Variants in ZNF551 observed in about 807,000 individuals in gnomAD.
ZNF551 encodes the protein KOX 23 protein (56 AA).
A neutral mutation model predicts 7.9 loss-of-function variants in ZNF551; 5 were observed. The ratio of observed to expected loss-of-function variants is 0.63; its 90% CI spans 0.33 to 1.33. The LOEUF (loss-of-function observed/expected upper bound fraction) is 1.33, where lower values mean the gene tolerates loss of function less well. ZNF551 is among the 40% of genes most tolerant of loss of function. ZNF551 has a pLI of 0.05. For synonymous variants in ZNF551, 287 were observed against 277.3 expected, an observed-to-expected ratio of 1.03 and a Z score of -0.35; for missense variants, 788 against 825.2, an observed-to-expected ratio of 0.95 and a Z score of 0.55.
chr19:57,686,983 C>G lies in ZNF551; in HGVS notation c.708C>G (p.His236Gln). The G allele has an allele frequency of 6.2e-7, 1 of 1,614,198 alleles. No homozygotes were observed. The highest frequency in any genetic ancestry group is 8.5e-7 in the Non-Finnish European group (1 of 1,180,032). The change falls in exon 3 of 3, where the codon CAC (histidine) becomes CAG (glutamine). Residue 236 changes from histidine to glutamine, a missense_variant. Transcript: ENST00000282296. Reference sequence around the variant, plus strand: ...ACAGAAAAGCTTCAAGCCACAAACACACACTTGTTCAGCATCAGAGTGTCT... The same window carrying G: ...ACAGAAAAGCTTCAAGCCACAAACAGACACTTGTTCAGCATCAGAGTGTCT... ...GEYRKASSHK[H>Q]TLVQHQSVCS...
In ZNF551 at chr19:57,688,035, A is replaced by G; in HGVS notation, c.1760A>G (p.Tyr587Cys). The change falls in exon 3 of 3, where the codon TAT becomes TGT. Residue 587 changes from tyrosine to cysteine, a missense_variant. Coordinates refer to ENST00000282296, the MANE Select transcript of ZNF551 (RefSeq NM_138347.5). Reference sequence around the variant, plus strand: ...AGAGTTCACACTGGAGAAAGGCCTTATGAATGTAGTGAATGTGGGAAATCC... The same window carrying G: ...AGAGTTCACACTGGAGAAAGGCCTTGTGAATGTAGTGAATGTGGGAAATCC... ...HQRVHTGERP[Y>C]ECSECGKSFS... The G allele has an allele frequency of 5.0e-6, 8 of 1,614,238 alleles. No individual in the cohort carries two copies. The highest frequency in any genetic ancestry group is 6.8e-6 in the Non-Finnish European group (8 of 1,180,032).
chr19:57,686,076 T>C (rs893124684), intron 2 of ZNF551, among the ~76,000 whole-genome samples: 2 of 152,242 alleles, frequency 1.3e-5, no homozygotes, highest in Non-Finnish European at 2.9e-5. Flanking sequence ...TGTTCAGTCT[T>C]GACTCACTGT....
At position 57,685,394 on chromosome 19, in the gene ZNF551, C is replaced by G. The variant is rs1327508374; in HGVS notation, c.205+9C>G. 1 of 1,614,034 alleles carries G rather than the reference C, an allele frequency of 6.2e-7. No homozygotes were observed. Among genetic ancestry groups the G allele is most frequent in the East Asian group, 2.2e-5 (1 of 44,878 alleles). On this transcript the variant is annotated intron_variant, in intron 2 of 2. Coordinates refer to ENST00000282296, the MANE Select transcript of ZNF551 (RefSeq NM_138347.5). ...ACATGTAACATCCCTGGGTAAGGCC[C>G]TAGCATCCCTCCGAGTGTCTGCTTT...
Position 57,685,372 on chromosome 19 carries a change from T to C in ZNF551, c.192T>C (p.His64=). The change falls in exon 2 of 3, where the codon CAT becomes CAC. Residue 64 remains histidine (H), a synonymous_variant. Transcript: ENST00000282296. ...YCDVMLENFA[H]VTSLGYCHGM... is the part of the protein sequence containing the mutation. ...ATGTGATGCTGGAGAACTTTGCACA[T>C]GTAACATCCCTGGGTAAGGCCCTAG... 1 of 1,614,098 alleles carries C rather than the reference T, an allele frequency of 6.2e-7. No individual in the cohort carries two copies. Among genetic ancestry groups the C allele is most frequent in the Non-Finnish European group, 8.5e-7 (1 of 1,179,962 alleles).
In ZNF551 at chr19:57,689,397, T is replaced by G. The variant is rs1984693841; in HGVS notation, c.*1109T>G. 1.3e-5 allele frequency: 2 copies of G among 152,200 alleles called. No homozygotes were observed. Among genetic ancestry groups the G allele is most frequent in the African/African-American group, 4.8e-5 (2 of 41,450 alleles). 9.4% of individuals were successfully genotyped at this position (152,200 alleles called of 1,614,324 possible). A position where few individuals can be genotyped will look rare whatever the true frequency, so the allele number is the denominator to read the frequency against. ...GGGAGTGGAGAAGACTGCAGTAAAT[T>G]AGATGGAATGACTCTTCTAAAAGTT... On this transcript the variant is annotated 3_prime_UTR_variant, in exon 3 of 3. Transcript: ENST00000282296.
At position 57,690,231 on chromosome 19, in the gene ZNF551, CA is replaced by C. The variant is rs1306177145; in HGVS notation, c.*1944del. On this transcript the variant is annotated 3_prime_UTR_variant, in exon 3 of 3. Transcript: ENST00000282296. ...AAAGCCATGAAACCATCATTACAAC[CA>C]TAAAAATGAATTTGTGTGTCACCCA... 6.6e-6 allele frequency: 1 copy of C among 152,124 alleles called. No homozygotes were observed. The highest frequency in any genetic ancestry group is 2.4e-5 in the African/African-American group (1 of 41,400). The allele number at this position is 152,124 out of a possible 1,614,324, so 9.4% of individuals were successfully genotyped here. A position where few individuals can be genotyped will look rare whatever the true frequency, so the allele number is the denominator to read the frequency against.
rs751095535 is a variant in ZNF551, at chr19:57,690,043, GGAGA to G, written c.*1764_*1767del. ...CAAGGTTGCCTCTCTCAGGGCATGAGGAGAGAGAGAGATGGTGAAGTCCATATCA... is the reference window on the plus strand; with the variant it reads ...CAAGGTTGCCTCTCTCAGGGCATGAGGAGAGAGATGGTGAAGTCCATATCA... On this transcript the variant is annotated 3_prime_UTR_variant, in exon 3 of 3. Coordinates refer to ENST00000282296, the MANE Select transcript of ZNF551 (RefSeq NM_138347.5). 6.6e-6 allele frequency: 1 copy of G among 152,000 alleles called. No individual in the cohort carries two copies. The allele number at this position is 152,000 out of a possible 1,614,324, so 9.4% of individuals were successfully genotyped here.
chr19:57,688,349 GC>G lies in ZNF551; in HGVS notation c.*63del. On this transcript the variant is annotated 3_prime_UTR_variant, in exon 3 of 3. Coordinates refer to ENST00000282296, the MANE Select transcript of ZNF551 (RefSeq NM_138347.5). Reference sequence around the variant, plus strand: ...AATAGCACTGGAGGAGACTGTGGTAGCCATCTTCGTAAATTTAAACTTTGAG... The same window carrying G: ...AATAGCACTGGAGGAGACTGTGGTAGCATCTTCGTAAATTTAAACTTTGAG... 6.4e-7 allele frequency: 1 copy of G among 1,553,702 alleles called. No homozygotes were observed. The highest frequency in any genetic ancestry group is 8.7e-7 in the Non-Finnish European group (1 of 1,149,892).
At chr19:57,682,467 CA>C (rs1272432605) in intron 1 of ZNF551, among the ~76,000 whole-genome samples, 1 of 152,144 alleles carries the variant, frequency 6.6e-6, no homozygotes, top group African/African-American at 2.4e-5. Context: ...GGGGGGGATT[CA>C]GGAGCCTGGG....
chr19:57,688,259 C>G lies in ZNF551; in HGVS notation c.1984C>G (p.Arg662Gly). 2 of 1,614,200 alleles carry G rather than the reference C, an allele frequency of 1.2e-6. No homozygotes were observed. The highest frequency in any genetic ancestry group is 1.6e-4 in the Middle Eastern group (1 of 6,062). Residue 662 changes from arginine to glycine, a missense_variant, in exon 3 of 3, where the codon CGG becomes GGG. Arg to Gly is a moderately radical substitution (Grantham distance 125, BLOSUM62 -2). Coordinates refer to ENST00000282296, the MANE Select transcript of ZNF551 (RefSeq NM_138347.5). ...CCGCAAATCTAACCTCATTCGACAT[C>G]GGAGAGTTCACACTGAAGAAAGGCC... ...FSRKSNLIRH[R>G]RVHTEERP is the part of the protein sequence containing the mutation.
chr19:57,684,557 G>T (rs1984492430), intron 1 of ZNF551, among the ~76,000 whole-genome samples: 2 of 152,136 alleles, frequency 1.3e-5, no homozygotes, highest in South Asian at 2.1e-4. Flanking sequence ...CCACCTGCCT[G>T]TTGTTGCTGT....
Position 57,682,429 on chromosome 19 carries a change from G to T in ZNF551, c.81+185G>T, listed in dbSNP as rs114224514. On this transcript the variant is annotated intron_variant, in intron 1 of 2. Transcript: ENST00000282296. Reference sequence around the variant, plus strand: ...AATGTGACGGGCAGTTGACTGGCGCGTGCAGAACTTGGAGCTGCGACTAAG... The same window carrying T: ...AATGTGACGGGCAGTTGACTGGCGCTTGCAGAACTTGGAGCTGCGACTAAG... Among the ~76,000 whole-genome samples the T allele has an allele frequency of 2.9e-3, 440 of 152,314 alleles. 4 individuals carry two copies. The highest frequency in any genetic ancestry group is 1.0e-2 in the African/African-American group (414 of 41,550).
intron 1 of ZNF551, among the ~76,000 whole-genome samples, chr19:57,682,909 G>A (rs774220573): frequency 1.3e-5 from 2 of 152,224 alleles, no homozygotes; most frequent in Non-Finnish European, 2.9e-5. Context: ...GAAAGGAGAT[G>A]TAGAAGGTTG....
In ZNF551 at chr19:57,687,451, G is replaced by T. The variant is rs1436879535; in HGVS notation, c.1176G>T (p.Gln392His). The T allele has an allele frequency of 6.2e-7, 1 of 1,613,946 alleles. No homozygotes were observed. Among genetic ancestry groups the T allele is most frequent in the Non-Finnish European group, 8.5e-7 (1 of 1,180,002 alleles). ...QRVHSGERPY[Q>H]CCECGKSFRQ... ...TTCACTCTGGAGAAAGGCCTTATCA[G>T]TGCTGTGAGTGTGGGAAATCCTTTA... is the stretch of plus-strand genomic sequence containing the variant. Residue 392 changes from glutamine (Q) to histidine (H), a missense_variant, in exon 3 of 3, where the codon CAG (glutamine) becomes CAT (histidine). Transcript: ENST00000282296.
chr19:57,686,436 C>G (rs760885869), intron 2 of ZNF551, 45 bp from the exon 3 acceptor site: 1 of 1,582,450 alleles, frequency 6.3e-7, no homozygotes, highest in Non-Finnish European at 8.6e-7. Context: ...CTTTCTCCTT[C>G]CATGAAAGTC....
intron 1 of ZNF551, 48 bp from the exon 2 acceptor site, chr19:57,685,214 A>G: frequency 1.2e-6 from 2 of 1,603,754 alleles, no homozygotes; most frequent in African/African-American, 1.3e-5. Context: ...GCAAGAGGAT[A>G]ATGAACTCCG....
intron 1 of ZNF551, among the ~76,000 whole-genome samples, chr19:57,683,321 T>G (rs761358947): frequency 6.6e-5 from 10 of 152,328 alleles, no homozygotes; most frequent in Non-Finnish European, 1.3e-4. Context: ...GAATTTTTAG[T>G]TTTGAGAAAG....
Position 57,687,587 on chromosome 19 carries a change from C to T in ZNF551, c.1312C>T (p.Gln438Ter). The T allele has an allele frequency of 6.2e-7, 1 of 1,614,138 alleles. No individual in the cohort carries two copies. Among genetic ancestry groups the T allele is most frequent in the Non-Finnish European group, 8.5e-7 (1 of 1,180,042 alleles). Residue 438 changes from glutamine to a stop codon, truncating the protein, a stop_gained, in exon 3 of 3, where the codon CAG (glutamine) becomes TAG (stop). Transcript: ENST00000282296. LOFTEE classifies it low-confidence loss of function (END_TRUNC). ...FSCKSELIQH[Q>*]RIHSGERPYE... The stretch of plus-strand genomic sequence containing the variant: ...CTGCAAATCGGAACTCATTCAACAC[C>T]AGAGAATTCACAGTGGAGAAAGACC...
intron 1 of ZNF551, among the ~76,000 whole-genome samples, chr19:57,683,798 G>A (rs1212631685): frequency 6.6e-6 from 1 of 152,168 alleles, no homozygotes; most frequent in Non-Finnish European, 1.5e-5. Flanking sequence ...TCTCAGGGGT[G>A]AGTAGACATG....
Sources: allele counts gnomAD v4.1 joint callset (sites outside exome capture counted in the v4.1 genomes callset), GRCh38; gene constraint gnomAD v4.1.1; transcripts MANE v1.5; gene names NCBI Gene and HGNC (gene_info 2026-07-23, HGNC 2026-07-21).